CSMD1: variants seen among roughly 807,000 people sequenced by gnomAD.
CSMD1 encodes the protein CUB and sushi domain-containing protein 1.
In CSMD1, 213 loss-of-function variants were observed where a neutral mutation model predicts 417.5. The ratio of observed to expected loss-of-function variants is 0.51; its 90% confidence interval spans 0.46 to 0.57. The LOEUF (loss-of-function observed/expected upper bound fraction) is 0.57, where lower values mean the gene tolerates loss of function less well. Ranked by LOEUF, CSMD1 falls within the 20% of genes least tolerant of loss-of-function variation. The pLI is 0.00. For missense variants in CSMD1, 6,923 were observed against 4,529.7 expected (o/e 1.53, Z -15.17); for synonymous variants, 2,862 against 1,736.8 (o/e 1.65, Z -16.11).
chr8:4,320,522 C>G (rs750820757), intron 3 of CSMD1, among the ~76,000 whole-genome samples: 1 of 152,108 alleles, frequency 6.6e-6, no homozygotes, highest in Non-Finnish European at 1.5e-5. Context: ...CCCCACCCCC[C>G]AACAGGCCCC....
chr8:3,298,509 A>G (rs1448598924), intron 25 of CSMD1, among the ~76,000 whole-genome samples: 1 of 152,186 alleles, frequency 6.6e-6, no homozygotes, highest in Non-Finnish European at 1.5e-5. Flanking sequence ...GCTGGAGTGC[A>G]ATGGAATGAT....
intron 10 of CSMD1, among the ~76,000 whole-genome samples, chr8:3,563,938 T>C (rs533457528): frequency 6.6e-6 from 1 of 152,268 alleles, no homozygotes; most frequent in South Asian, 2.1e-4. Context: ...AACCTATTTT[T>C]CATGAATACT....
chr8:3,971,118 G>A (rs1429686055), intron 5 of CSMD1, among the ~76,000 whole-genome samples: 1 of 152,120 alleles, frequency 6.6e-6, no homozygotes, highest in Non-Finnish European at 1.5e-5. Context: ...ATCCAACATG[G>A]TGCTGAAATC....
At chr8:3,188,782 G>A (rs1796241818) in intron 35 of CSMD1, 105 bp downstream of exon 35, 7 of 962,720 alleles carry the variant, frequency 7.3e-6, no homozygotes, top group Non-Finnish European at 9.9e-6. Flanking sequence ...AAAGAGAGAG[G>A]GAGAGAGAGA....
chr8:4,953,516 T>G (rs1808885953), intron 1 of CSMD1, among the ~76,000 whole-genome samples: 1 of 152,170 alleles, frequency 6.6e-6, no homozygotes, highest in African/African-American at 2.4e-5. Context: ...TGGCAAGTTA[T>G]GTAACTTGAA....
In CSMD1 at chr8:3,584,417, C is replaced by G. The variant is rs149984336; in HGVS notation, c.1222+1719G>C. Among the ~76,000 whole-genome samples the G allele has an allele frequency of 2.7e-3, 417 of 152,296 alleles. 3 individuals are homozygous for G. The highest frequency in any genetic ancestry group is 9.7e-3 in the African/African-American group (404 of 41,558). ...TTGAATTGACGAGAACAGGAAACCA[C>G]AAAGAATCCTCTTCTAATTATCTCT... On this transcript the variant is annotated intron_variant, in intron 9 of 69. Coordinates refer to ENST00000635120, the MANE Select transcript of CSMD1 (RefSeq NM_033225.6).
chr8:3,313,200 T>C lies in CSMD1; in HGVS notation c.3632-4697A>G, dbSNP rs557485600. The stretch of plus-strand genomic sequence containing the variant: ...AACCTAGGCAATACCATTCAGGACA[T>C]AGGCATGGGCAAAGACTTCATGTCT... On this transcript the variant is annotated intron_variant, in intron 23 of 69. Coordinates refer to ENST00000635120, the MANE Select transcript of CSMD1 (RefSeq NM_033225.6). 9.2e-5 allele frequency among the ~76,000 whole-genome samples: 14 copies of C among 152,260 alleles called. No homozygotes were observed. In the East Asian group the frequency reaches 2.3e-3, roughly 25 times the overall value.
chr8:3,319,083 G>A (rs1034478598), intron 23 of CSMD1, among the ~76,000 whole-genome samples: 3 of 152,090 alleles, frequency 2.0e-5, no homozygotes, highest in African/African-American at 7.2e-5. Flanking sequence ...AAAACAAACT[G>A]GGGATGTTTA....
At chr8:4,170,480 T>A (rs1797709328) in intron 3 of CSMD1, among the ~76,000 whole-genome samples, 1 of 151,910 alleles carries the variant, frequency 6.6e-6, no homozygotes. Context: ...TCTACTTCCT[T>A]CTGACTGTAA....
chr8:4,743,089 T>A (rs1384432788), intron 1 of CSMD1, among the ~76,000 whole-genome samples: 1 of 152,184 alleles, frequency 6.6e-6, no homozygotes, highest in East Asian at 1.9e-4. Flanking sequence ...TTGGCTCTGC[T>A]AAGAGTCAGT....
At chr8:4,120,348 T>C (rs980725869) in intron 3 of CSMD1, among the ~76,000 whole-genome samples, 3 of 152,234 alleles carry the variant, frequency 2.0e-5, no homozygotes, top group African/African-American at 4.8e-5. Context: ...GATAAGATTA[T>C]TTTATAAAAT....
At chr8:3,471,065 T>A (rs1045955318) in intron 11 of CSMD1, among the ~76,000 whole-genome samples, 1 of 152,180 alleles carries the variant, frequency 6.6e-6, no homozygotes, top group Non-Finnish European at 1.5e-5. Context: ...CATTGTGAAA[T>A]CATGTTGAGT....
At chr8:3,493,964 A>G (rs1290210512) in intron 10 of CSMD1, among the ~76,000 whole-genome samples, 3 of 152,226 alleles carry the variant, frequency 2.0e-5, no homozygotes, top group Non-Finnish European at 2.9e-5. Flanking sequence ...TTTCACCTCT[A>G]AAAATGAAAT....
intron 3 of CSMD1, among the ~76,000 whole-genome samples, chr8:4,363,080 G>A (rs1226636393): frequency 5.9e-5 from 9 of 152,132 alleles, no homozygotes; most frequent in Admixed American, 5.9e-4. Context: ...AGAGCAGCCA[G>A]GTCACAGTGG....
At chr8:4,210,921 A>C (rs1334789038) in intron 3 of CSMD1, among the ~76,000 whole-genome samples, 1 of 152,174 alleles carries the variant, frequency 6.6e-6, no homozygotes, top group Non-Finnish European at 1.5e-5. Context: ...GACTTAATGA[A>C]AAACTCGATT....
At chr8:3,878,737 A>C (rs7826938) in intron 5 of CSMD1, among the ~76,000 whole-genome samples, 37,859 of 151,896 alleles carry the variant, frequency 0.25, 5,912 homozygotes, top group African/African-American at 0.44. Context: ...GAAATATTAG[A>C]CCCTTGTACT....
At chr8:3,657,223 G>C (rs191381655) in intron 7 of CSMD1, among the ~76,000 whole-genome samples, 1 of 152,200 alleles carries the variant, frequency 6.6e-6, no homozygotes, top group Non-Finnish European at 1.5e-5. Context: ...TTATGCCTTG[G>C]GGTATAATCA....
rs781119994 is a variant in CSMD1 at position 3,369,318 on chromosome 8, C to T, written c.2835G>A (p.Gly945=). 5 of 1,608,274 alleles carry T rather than the reference C, an allele frequency of 3.1e-6. No homozygotes were observed. Among genetic ancestry groups the T allele is most frequent in the South Asian group, 1.1e-5 (1 of 90,754 alleles). Residue 945 remains glycine (G), a synonymous_variant, in exon 19 of 70, where the codon GGG becomes GGA. Coordinates refer to ENST00000635120, the MANE Select transcript of CSMD1 (RefSeq NM_033225.6). ...GAGAGTTTGGATAAAAATCTGGAAA[C>T]CCAGGAGAAAGGACTGTTCCACTCT... ...QGKSGTVLSP[G]FPDFYPNSLN... is the part of the protein sequence containing the mutation.
intron 2 of CSMD1, among the ~76,000 whole-genome samples, chr8:4,504,765 G>C (rs2130304977): frequency 6.6e-6 from 1 of 152,204 alleles, no homozygotes; most frequent in Admixed American, 6.5e-5. Context: ...AGTTTGCTGA[G>C]AATGATGGTT....
Sources: allele counts gnomAD v4.1 joint callset (sites outside exome capture counted in the v4.1 genomes callset), GRCh38; gene constraint gnomAD v4.1.1; transcripts MANE v1.5; gene names NCBI Gene and HGNC (gene_info 2026-07-23, HGNC 2026-07-21).